The following PSG11 variants were observed in gnomAD, a reference collection of about 807,000 sequenced individuals.
PSG11 encodes the protein pregnancy-specific beta-1-glycoprotein 11.
PSG11 carries 42 observed loss-of-function variants against 36.0 expected under a neutral mutation model. The ratio of observed to expected loss-of-function variants is 1.17; its 90% CI spans 0.91 to 1.51. The LOEUF (loss-of-function observed/expected upper bound fraction) is 1.51. PSG11 is among the 40% of genes most tolerant of loss of function. PSG11 has a pLI of 0.00. For synonymous variants in PSG11, 206 were observed against 153.5 expected (o/e 1.34, Z -2.53); for missense variants, 558 against 403.5 (o/e 1.38, Z -3.28).
chr19:43,020,733 A>G (rs1303540182), intron 2 of PSG11, among the ~76,000 whole-genome samples: 1 of 151,358 alleles, frequency 6.6e-6, no homozygotes, highest in African/African-American at 2.4e-5. Flanking sequence ...AGAACTGGTC[A>G]GTGCATCAAT....
Position 43,024,830 on chromosome 19 carries a change from T to C in PSG11, c.291A>G (p.Gly97=). ...ATGCATTGGAATATACTGTTTCTCG[T>C]CCACTGTATGCCGGTCCATATATAA... is the stretch of plus-strand genomic sequence containing the variant. The part of the protein sequence containing the change: ...QIIIYGPAYS[G]RETVYSNASL... Residue 97 remains glycine, a synonymous_variant, in exon 2 of 6, where the codon GGA becomes GGG. Coordinates refer to ENST00000320078, the MANE Select transcript of PSG11 (RefSeq NM_002785.3). 1 of 1,612,012 alleles carries C rather than the reference T, an allele frequency of 6.2e-7. No individual in the cohort carries two copies. Among genetic ancestry groups the C allele is most frequent in the Non-Finnish European group, 8.5e-7 (1 of 1,179,110 alleles).
In PSG11 at chr19:43,008,441, T is replaced by C. The variant is rs921703653; in HGVS notation, c.*41-399A>G. On this transcript the variant is annotated intron_variant, in intron 5 of 5. Transcript: ENST00000320078. The stretch of plus-strand genomic sequence containing the variant: ...GTGCCTGCCACCACACCCAGCTAAT[T>C]TTGTTTTTGCGTTTTTGGTAGAGAT... Among the ~76,000 whole-genome samples, 42 of 150,858 alleles carry C rather than the reference T, an allele frequency of 2.8e-4. 1 individual carries two copies. Among genetic ancestry groups the C allele is most frequent in the Non-Finnish European group, 4.4e-5 (3 of 67,794 alleles).
At chr19:43,014,551 C>A (rs1342195462) in intron 4 of PSG11, 36 of 988,468 alleles carry the variant, frequency 3.6e-5, no homozygotes, top group East Asian at 1.0e-4. Context: ...AAATTCAGGA[C>A]AGGCCACCAG....
chr19:43,015,816 C>T (rs1966950351), intron 3 of PSG11: 1 of 1,610,082 alleles, frequency 6.2e-7, no homozygotes, highest in Non-Finnish European at 8.5e-7. Context: ...CATATCGGTC[C>T]CGTATTTCAC....
At chr19:43,018,182 A>G (rs1967011833) in intron 3 of PSG11, among the ~76,000 whole-genome samples, 2 of 151,228 alleles carry the variant, frequency 1.3e-5, no homozygotes, top group South Asian at 4.2e-4. Context: ...TGAAACAGAC[A>G]TAGACCCCTC....
At chr19:43,017,447 G>C (rs1304211251) in intron 3 of PSG11, 2 of 151,164 alleles carry the variant, frequency 1.3e-5, no homozygotes, top group Non-Finnish European at 2.9e-5. Flanking sequence ...AGTTTTCGGT[G>C]AATTCCATAC....
Position 43,025,349 on chromosome 19 carries a change from A to T in PSG11, c.65-293T>A, listed in dbSNP as rs1210484025. ...GGAATCCTCTTCCCCAGGGGTCCGCATGGCCCCCTCCACACTGCCCTCAGG... is the reference window on the plus strand; with the variant it reads ...GGAATCCTCTTCCCCAGGGGTCCGCTTGGCCCCCTCCACACTGCCCTCAGG... On this transcript the variant is annotated intron_variant, in intron 1 of 5. Transcript: ENST00000320078. The T allele has an allele frequency of 1.4e-5, 6 of 441,430 alleles. No homozygotes were observed. The South Asian group carries it at 1.8e-4, about 13-fold the overall frequency. The allele number at this position is 441,430 out of a possible 1,614,324, so 27.3% of individuals were successfully genotyped here. A position where few individuals can be genotyped will look rare whatever the true frequency, so the allele number is the denominator to read the frequency against.
At chr19:43,010,534 T>A in intron 4 of PSG11, 1 of 623,104 alleles carries the variant, frequency 1.6e-6, no homozygotes, top group South Asian at 2.3e-5. Flanking sequence ...GCAAGCCTAG[T>A]TCTCTGAGGC....
At chr19:43,012,326 A>G (rs1974098227) in intron 4 of PSG11, among the ~76,000 whole-genome samples, 1 of 151,472 alleles carries the variant, frequency 6.6e-6, no homozygotes, top group Admixed American at 6.6e-5. Context: ...TTTAAAAAAG[A>G]CATTCAAATT....
In PSG11 at chr19:43,024,855, A is replaced by G. The variant is rs769139091; in HGVS notation, c.266T>C (p.Ile89Thr). Residue 89 changes from isoleucine (I) to threonine (T), a missense_variant, in exon 2 of 6, where the codon ATT (isoleucine) becomes ACT (threonine). Transcript: ENST00000320078. The stretch of plus-strand genomic sequence containing the variant: ...TCCACTGTATGCCGGTCCATATATA[A>G]TTATTTGACCGTCTACTACATATGA... ...ITSYVVDGQI[I>T]IYGPAYSGRE... The G allele has an allele frequency of 1.9e-6, 3 of 1,611,658 alleles. No individual in the cohort carries two copies. The highest frequency in any genetic ancestry group is 2.5e-6 in the Non-Finnish European group (3 of 1,179,060).
chr19:43,014,923 G>T (rs1232369026), intron 4 of PSG11, 193 bp downstream of exon 4: 3 of 1,451,734 alleles, frequency 2.1e-6, no homozygotes, highest in Non-Finnish European at 2.8e-6. Context: ...CACAAGGTCA[G>T]TCATGAGAAA....
intron 2 of PSG11, among the ~76,000 whole-genome samples, chr19:43,022,132 A>G (rs1485017660): frequency 6.6e-6 from 1 of 151,560 alleles, no homozygotes; most frequent in Non-Finnish European, 1.5e-5. Flanking sequence ...TTAGATTATA[A>G]GAGGGAACTG....
chr19:43,009,115 G>A (rs11083679), intron 5 of PSG11, among the ~76,000 whole-genome samples: 81,122 of 150,630 alleles, frequency 0.54, 23,651 homozygotes, highest in East Asian at 0.99. Context: ...CTTAGGCTTT[G>A]TGTCTCCTGG....
chr19:43,016,005 G>A (rs746796764), intron 3 of PSG11: 3 of 1,610,252 alleles, frequency 1.9e-6, no homozygotes, highest in Non-Finnish European at 2.5e-6. Context: ...TCTCCCTGGG[G>A]TTTAAGTTGT....
intron 1 of PSG11, among the ~76,000 whole-genome samples, chr19:43,025,640 G>C (rs574398918): frequency 0.029 from 4,155 of 142,912 alleles, 152 homozygotes; most frequent in Non-Finnish European, 0.04. Flanking sequence ...TCTCAGGGCC[G>C]TCCACGCCCT....
chr19:43,008,953 A>G (rs1473156250), intron 5 of PSG11, among the ~76,000 whole-genome samples: 1 of 151,202 alleles, frequency 6.6e-6, no homozygotes, highest in Non-Finnish European at 1.5e-5. Context: ...TTAAACTGGA[A>G]CTAATGGGTG....
In PSG11 at chr19:43,009,852, T is replaced by C. The variant is rs3950838; in HGVS notation, c.*40+106A>G. 4 of 867,198 alleles carry C rather than the reference T, an allele frequency of 4.6e-6. 1 individual carries two copies. The highest frequency in any genetic ancestry group is 3.8e-6 in the Non-Finnish European group (2 of 530,522). The allele number at this position is 867,198 out of a possible 1,614,324, so 53.7% of individuals were successfully genotyped here. The stretch of plus-strand genomic sequence containing the variant: ...GTGCTGAGAAGCAGGAGTTAGTGGA[T>C]GAAGGAGGAGATCCAGGCCCAGATA... On this transcript the variant is annotated intron_variant, in intron 5 of 5. Transcript: ENST00000320078.
rs1434250968 is a variant in PSG11 at position 43,015,666 on chromosome 19, G to C, written c.710-296C>G. Reference sequence around the variant, plus strand: ...TCATGGCCACCTCGGATGTCCAAAAGTAAAGGTGTCTGTACTTGGACCGGA... The same window carrying C: ...TCATGGCCACCTCGGATGTCCAAAACTAAAGGTGTCTGTACTTGGACCGGA... On this transcript the variant is annotated intron_variant, in intron 3 of 5. Transcript: ENST00000320078. The C allele has an allele frequency of 7.8e-6, 12 of 1,548,066 alleles. No homozygotes were observed. The East Asian group carries it at 9.0e-5, about 12-fold the overall frequency.
chr19:43,015,492 C>G, intron 3 of PSG11, 122 bp from the exon 4 acceptor site: 5 of 1,376,500 alleles, frequency 3.6e-6, no homozygotes, highest in South Asian at 1.4e-5. Flanking sequence ...AGCCAAACCC[C>G]CTCTATGTTC....
Sources: gnomAD v4.1 joint callset for allele counts (sites outside exome capture counted in the v4.1 genomes callset) on GRCh38, gnomAD v4.1.1 for gene constraint, MANE v1.5 for transcripts, NCBI Gene and HGNC (gene_info 2026-07-23, HGNC 2026-07-21) for gene names.